The following TRPM3 variants were observed in gnomAD, a reference collection of about 807,000 sequenced individuals.
The protein encoded by TRPM3 is transient receptor potential cation channel subfamily M member 3.
Under a neutral mutation model 181.2 loss-of-function variants are expected in TRPM3, and 77 were observed. The ratio of observed to expected loss-of-function variants is 0.42; its 90% CI spans 0.35 to 0.51. TRPM3 has a LOEUF of 0.51. Ranked by LOEUF, TRPM3 falls within the 20% of genes least tolerant of loss-of-function variation. The pLI, the probability that TRPM3 is intolerant of heterozygous loss-of-function variation, is 0.01. For synonymous variants in TRPM3, 745 were observed against 796.4 expected, an observed-to-expected ratio of 0.94 and a Z score of 1.09; for missense variants, 1,759 against 2,196.7, an observed-to-expected ratio of 0.80 and a Z score of 3.98.
intron 1 of TRPM3, among the ~76,000 whole-genome samples, chr9:70,941,093 A>T (rs953356770): frequency 9.2e-5 from 14 of 152,126 alleles, no homozygotes; most frequent in African/African-American, 3.4e-4. Flanking sequence ...ACTCAATTGG[A>T]TTGAAGGATG....
In TRPM3 at chr9:71,164,446, C is replaced by T. The variant is rs17056386; in HGVS notation, c.183+282207G>A. ...ACTCTATGGCTGGAGGAGAGGCAAA[C>T]GGGGAAGTCTGTACACCCCACAGCC... On this transcript the variant is annotated intron_variant, in intron 1 of 24. Coordinates refer to the TRPM3 transcript ENST00000357533. 1.6e-3 allele frequency among the ~76,000 whole-genome samples: 245 copies of T among 152,148 alleles called. 2 individuals are homozygous for T. The East Asian group carries it at 0.04, about 25-fold the overall frequency.
At chr9:70,621,162 T>A (rs2063578555) in intron 15 of TRPM3, 82 bp downstream of exon 15, 3 of 546,310 alleles carry the variant, frequency 5.5e-6, no homozygotes, top group Non-Finnish European at 5.3e-6. Context: ...TTATTTTATA[T>A]ATATACTATA....
intron 6 of TRPM3, among the ~76,000 whole-genome samples, chr9:70,819,710 T>A (rs1054932961): frequency 3.9e-5 from 6 of 152,160 alleles, no homozygotes; most frequent in Admixed American, 3.3e-4. Flanking sequence ...TTAGACTAGA[T>A]TACATATGAC....
At chr9:71,270,157 C>A (rs1234314029) in intron 1 of TRPM3, among the ~76,000 whole-genome samples, 1 of 152,154 alleles carries the variant, frequency 6.6e-6, no homozygotes, top group East Asian at 1.9e-4. Context: ...CAAGACCAGC[C>A]TGGCCAACGT....
chr9:70,806,098 C>T (rs1224409691), intron 6 of TRPM3, among the ~76,000 whole-genome samples: 3 of 152,190 alleles, frequency 2.0e-5, no homozygotes, highest in Non-Finnish European at 2.9e-5. Context: ...AACCCAGCGA[C>T]GCCAAGGCTC....
intron 1 of TRPM3, among the ~76,000 whole-genome samples, chr9:71,361,214 T>C (rs1016099631): frequency 6.6e-6 from 1 of 152,196 alleles, no homozygotes; most frequent in Non-Finnish European, 1.5e-5. Context: ...CTTGAACTCC[T>C]GACCTCAGGT....
rs1263322430 is a variant in TRPM3, at chr9:70,529,347, A to G, written c.*6606T>C. The G allele has an allele frequency of 2.0e-5, 3 of 152,226 alleles. No individual in the cohort carries two copies. The highest frequency in any genetic ancestry group is 7.2e-5 in the African/African-American group (3 of 41,464). The allele number at this position is 152,226 out of a possible 1,614,324, so 9.4% of individuals were successfully genotyped here. On this transcript the variant is annotated 3_prime_UTR_variant, in exon 26 of 26. Transcript: ENST00000677713. Reference sequence around the variant, plus strand: ...GCAAACCCAATTTTAAAACCATTGTATTTGTAGGAATTCATTTAAAAATGA... The same window carrying G: ...GCAAACCCAATTTTAAAACCATTGTGTTTGTAGGAATTCATTTAAAAATGA...
Position 71,443,977 on chromosome 9 carries a change from G to A in TRPM3, c.183+2676C>T, listed in dbSNP as rs1048680564. Among the ~76,000 whole-genome samples the A allele has an allele frequency of 4.6e-5, 7 of 151,954 alleles. No homozygotes were observed. The East Asian group carries it at 5.8e-4, about 13-fold the overall frequency. ...GGGCAGATCACGAGGTCAGGAGATCGAGACCATCCTGGCCAACATGGTGAA... is the reference window on the plus strand; with the variant it reads ...GGGCAGATCACGAGGTCAGGAGATCAAGACCATCCTGGCCAACATGGTGAA... On this transcript the variant is annotated intron_variant, in intron 1 of 24. Coordinates refer to the TRPM3 transcript ENST00000357533.
chr9:71,242,049 T>A (rs2081731342), intron 1 of TRPM3, among the ~76,000 whole-genome samples: 1 of 152,254 alleles, frequency 6.6e-6, no homozygotes, highest in Admixed American at 6.5e-5. Flanking sequence ...CACATTTGCA[T>A]AAGTGTTAAC....
chr9:71,131,588 G>T (rs898422167), intron 1 of TRPM3, among the ~76,000 whole-genome samples: 1 of 152,146 alleles, frequency 6.6e-6, no homozygotes, highest in Non-Finnish European at 1.5e-5. Flanking sequence ...ATCATTTCTT[G>T]CAAGTCATTT....
rs1388876748 is a variant in TRPM3, at chr9:71,071,355, A to T, written c.177+49823T>A. On this transcript the variant is annotated intron_variant, in intron 1 of 25. Transcript: ENST00000677713. ...TGTATTTGGGAATCTTTTGATTACA[A>T]AAGTATAGCCTGCACCTTAACTAAT... 2.6e-5 allele frequency among the ~76,000 whole-genome samples: 4 copies of T among 152,230 alleles called. No homozygotes were observed. The East Asian group carries it at 7.7e-4, about 29-fold the overall frequency.
intron 1 of TRPM3, among the ~76,000 whole-genome samples, chr9:70,878,717 T>C (rs188415351): frequency 3.5e-4 from 54 of 152,186 alleles, no homozygotes; most frequent in African/African-American, 1.2e-3. Context: ...TCACAAACAG[T>C]TTGTGGGCCA....
rs559785885 is a variant in TRPM3, at chr9:71,423,399, G to A, written c.183+23254C>T. Among the ~76,000 whole-genome samples, 19 of 152,114 alleles carry A rather than the reference G, an allele frequency of 1.2e-4. No individual in the cohort carries two copies. In the South Asian group the frequency reaches 3.9e-3, roughly 32 times the overall value. ...TTTGTAATGTGATCTGCATATGGGA[G>A]AAGCAAACATCTCATCTAAGCAATG... On this transcript the variant is annotated intron_variant, in intron 1 of 24. Transcript: ENST00000357533.
intron 1 of TRPM3, among the ~76,000 whole-genome samples, chr9:70,960,163 C>T (rs1457187986): frequency 2.0e-5 from 3 of 151,294 alleles, no homozygotes; most frequent in South Asian, 2.1e-4. Flanking sequence ...GACATAGCTA[C>T]AGTTAATTCC....
chr9:70,646,095 G>A (rs1281176407), intron 9 of TRPM3, among the ~76,000 whole-genome samples: 1 of 152,246 alleles, frequency 6.6e-6, no homozygotes, highest in East Asian at 1.9e-4. Flanking sequence ...TGGAAAGGAT[G>A]TGGAGAAATA....
intron 1 of TRPM3, among the ~76,000 whole-genome samples, chr9:71,016,272 A>G (rs2134436960): frequency 6.7e-6 from 1 of 149,676 alleles, no homozygotes; most frequent in African/African-American, 2.5e-5. Flanking sequence ...CTGTGTGTGT[A>G]TAATGTAATG....
intron 6 of TRPM3, among the ~76,000 whole-genome samples, chr9:70,794,915 G>A (rs928507019): frequency 6.6e-6 from 1 of 151,998 alleles, no homozygotes; most frequent in Non-Finnish European, 1.5e-5. Context: ...CTACATCTGT[G>A]GCCTCAACTA....
chr9:71,114,417 C>T (rs1340661353), intron 1 of TRPM3, among the ~76,000 whole-genome samples: 3 of 152,100 alleles, frequency 2.0e-5, no homozygotes, highest in Non-Finnish European at 4.4e-5. Context: ...TTGCCACATG[C>T]TCAAGAGCCA....
chr9:70,906,412 G>A (rs993986312), intron 1 of TRPM3, among the ~76,000 whole-genome samples: 6 of 152,150 alleles, frequency 3.9e-5, no homozygotes, highest in African/African-American at 1.2e-4. Flanking sequence ...AGAGAGGGCC[G>A]AAATCAAAGG....
Sources: gnomAD v4.1 joint callset for allele counts (sites outside exome capture counted in the v4.1 genomes callset) on GRCh38, gnomAD v4.1.1 for gene constraint, MANE v1.5 for transcripts, NCBI Gene and HGNC (gene_info 2026-07-23, HGNC 2026-07-21) for gene names.